The following FAM171A1 variants were observed in gnomAD, a reference collection of about 807,000 sequenced individuals.
The protein encoded by FAM171A1 is family with sequence similarity 171 member A1.
Under a neutral mutation model 74.9 loss-of-function variants are expected in FAM171A1, and 23 were observed. The observed-to-expected ratio is 0.31, with a 90% confidence interval of 0.22 to 0.44. The LOEUF is 0.44. FAM171A1 is among the 20% of genes least tolerant of loss of function. FAM171A1 has a pLI of 1.00. For missense variants in FAM171A1, 1,162 were observed against 1,159.2 expected, an observed-to-expected ratio of 1.00 and a Z score of -0.03; for synonymous variants, 527 against 505.7, an observed-to-expected ratio of 1.04 and a Z score of -0.57.
Position 15,214,292 on chromosome 10 carries a change from G to C in FAM171A1, c.1296C>G (p.Leu432=). The change falls in exon 8 of 8, where the codon CTC becomes CTG. Residue 432 remains leucine, a synonymous_variant. Transcript: ENST00000378116. The part of the protein sequence containing the change: ...SQEFSSREEL[L]SCKEEDKSQI... ...GGCTTTTATCCTCTTCCTTGCAAGA[G>C]AGGAGCTCCTCCCGGGAGCTAAATT... 1.2e-6 allele frequency: 2 copies of C among 1,613,764 alleles called. No individual in the cohort carries two copies. The highest frequency in any genetic ancestry group is 8.5e-7 in the Non-Finnish European group (1 of 1,179,910).
chr10:15,308,825 C>T (rs1835326584), intron 1 of FAM171A1, among the ~76,000 whole-genome samples: 1 of 152,040 alleles, frequency 6.6e-6, no homozygotes, highest in African/African-American at 2.4e-5. Flanking sequence ...GACATCACAC[C>T]CAACTAATTT....
rs1215946059 is a variant in FAM171A1, at chr10:15,263,674, CCTAT to C, written c.419-8799_419-8796del. ...TAAGACAGTCCTGGCTGGCTGCTTG[CCTAT>C]CTATCTATGCATCTATCAATCATCT... On this transcript the variant is annotated intron_variant, in intron 3 of 7. Transcript: ENST00000378116. Among the ~76,000 whole-genome samples, 8 of 152,096 alleles carry C rather than the reference CCTAT, an allele frequency of 5.3e-5. No homozygotes were observed. The South Asian group carries it at 6.2e-4, about 12-fold the overall frequency.
intron 5 of FAM171A1, among the ~76,000 whole-genome samples, chr10:15,226,203 C>T (rs570015701): frequency 7.9e-4 from 120 of 152,296 alleles, no homozygotes; most frequent in African/African-American, 2.3e-3. Context: ...ACTGCAGCTG[C>T]GCCAACCTGG....
chr10:15,284,514 C>A (rs1835012535), intron 1 of FAM171A1, among the ~76,000 whole-genome samples: 1 of 152,120 alleles, frequency 6.6e-6, no homozygotes, highest in Non-Finnish European at 1.5e-5. Context: ...TCTCGATCTC[C>A]TGGGCTCAAC....
chr10:15,264,820 A>G (rs1834717058), intron 3 of FAM171A1, among the ~76,000 whole-genome samples: 1 of 152,144 alleles, frequency 6.6e-6, no homozygotes, highest in Non-Finnish European at 1.5e-5. Context: ...AATAGTAGTA[A>G]AGACCACTAT....
At chr10:15,309,358 C>T (rs2131835907) in intron 1 of FAM171A1, among the ~76,000 whole-genome samples, 1 of 152,284 alleles carries the variant, frequency 6.6e-6, no homozygotes, top group African/African-American at 2.4e-5. Flanking sequence ...TAGGCACACA[C>T]CACCATGTCT....
At chr10:15,280,372 C>A (rs990299466) in intron 2 of FAM171A1, among the ~76,000 whole-genome samples, 52 of 152,218 alleles carry the variant, frequency 3.4e-4, no homozygotes, top group African/African-American at 1.3e-3. Context: ...TGGGGTAGAA[C>A]AACTGGACTG....
At chr10:15,370,066 G>A (rs1314795022) in intron 1 of FAM171A1, among the ~76,000 whole-genome samples, 1 of 150,384 alleles carries the variant, frequency 6.6e-6, no homozygotes. Context: ...GCAAGCCTCA[G>A]GGTGGGTGTG....
chr10:15,309,591 A>C (rs559420002), intron 1 of FAM171A1, among the ~76,000 whole-genome samples: 1 of 152,382 alleles, frequency 6.6e-6, no homozygotes, highest in East Asian at 1.9e-4. Flanking sequence ...TTTAAAAGCT[A>C]TGTAAAGCAA....
upstream of FAM171A1, among the ~76,000 whole-genome samples, chr10:15,372,419 G>C (rs1268316735): frequency 6.6e-6 from 1 of 152,150 alleles, no homozygotes; most frequent in Non-Finnish European, 1.5e-5. Flanking sequence ...ACTTGGCTGG[G>C]TGTGATGGTT....
chr10:15,292,638 C>T (rs1187595017), intron 1 of FAM171A1, among the ~76,000 whole-genome samples: 1 of 152,022 alleles, frequency 6.6e-6, no homozygotes, highest in Non-Finnish European at 1.5e-5. Flanking sequence ...ATGCCACCAC[C>T]ATGCCAGGCT....
chr10:15,217,074 G>A (rs1325416598), intron 6 of FAM171A1, among the ~76,000 whole-genome samples: 3 of 151,978 alleles, frequency 2.0e-5, no homozygotes, highest in Non-Finnish European at 2.9e-5. Flanking sequence ...CTAACCTTAC[G>A]TGGCCAGAGA....
chr10:15,271,184 C>T (rs913727810), intron 3 of FAM171A1, among the ~76,000 whole-genome samples: 1 of 152,070 alleles, frequency 6.6e-6, no homozygotes, highest in Non-Finnish European at 1.5e-5. Flanking sequence ...GTAGAGAAGA[C>T]CTTAAATGAC....
chr10:15,214,800 G>A (rs1409104555), intron 7 of FAM171A1, among the ~76,000 whole-genome samples, 199 bp from the exon 8 acceptor site: 3 of 145,846 alleles, frequency 2.1e-5, no homozygotes, highest in South Asian at 2.1e-4. Flanking sequence ...TTGCTCTGTC[G>A]CCCACGTTGG....
chr10:15,245,691 G>C (rs529363189), intron 5 of FAM171A1, among the ~76,000 whole-genome samples: 11 of 152,332 alleles, frequency 7.2e-5, no homozygotes, highest in Non-Finnish European at 1.3e-4. Flanking sequence ...GTGCCCCCCA[G>C]ACTCCCTGCT....
At chr10:15,258,086 A>G (rs1031139244) in intron 3 of FAM171A1, among the ~76,000 whole-genome samples, 2 of 151,590 alleles carry the variant, frequency 1.3e-5, no homozygotes, top group Non-Finnish European at 2.9e-5. Context: ...TCTCAGAGAG[A>G]GTCTTGCTCT....
At chr10:15,365,634 G>C (rs574382207) in intron 1 of FAM171A1, among the ~76,000 whole-genome samples, 2 of 152,082 alleles carry the variant, frequency 1.3e-5, no homozygotes. Flanking sequence ...GCCAGGTGTG[G>C]TAGCATGCAC....
In FAM171A1 at chr10:15,263,737, GTCTGTCTA is replaced by G. The variant is rs1315998499; in HGVS notation, c.419-8866_419-8859del. ...ATCCTATCAATCTATCTATCTATCT[GTCTGTCTA>G]TCTATCTATCTATCTATCTATCTAT... On this transcript the variant is annotated intron_variant, in intron 3 of 7. Coordinates refer to ENST00000378116, the MANE Select transcript of FAM171A1 (RefSeq NM_001010924.2). Among the ~76,000 whole-genome samples, 112 of 106,094 alleles carry G rather than the reference GTCTGTCTA, an allele frequency of 1.1e-3. 1 individual carries two copies. Among genetic ancestry groups the G allele is most frequent in the Middle Eastern group, 8.5e-3 (2 of 234 alleles). The allele number at this position is 106,094 out of a possible 152,430, so 69.6% of individuals were successfully genotyped here. A position where few individuals can be genotyped will look rare whatever the true frequency, so the allele number is the denominator to read the frequency against.
At chr10:15,363,793 C>T (rs917752263) in intron 1 of FAM171A1, among the ~76,000 whole-genome samples, 8 of 152,154 alleles carry the variant, frequency 5.3e-5, no homozygotes, top group African/African-American at 1.7e-4. Flanking sequence ...CTTTTGCTCC[C>T]AAATGAGATG....
Sources: gnomAD v4.1 joint callset for allele counts (sites outside exome capture counted in the v4.1 genomes callset) on GRCh38, gnomAD v4.1.1 for gene constraint, MANE v1.5 for transcripts, NCBI Gene and HGNC (gene_info 2026-07-23, HGNC 2026-07-21) for gene names.